SEC13: variants seen among roughly 807,000 people sequenced by gnomAD.
SEC13 encodes the protein protein SEC13 homolog.
SEC13 carries 25 observed loss-of-function variants against 49.2 expected under a neutral mutation model. The ratio of observed to expected loss-of-function variants is 0.51; its 90% CI spans 0.37 to 0.71. The LOEUF is 0.71. Ranked by LOEUF, SEC13 falls within the 30% of genes least tolerant of loss-of-function variation. SEC13 has a pLI of 0.00. For synonymous variants in SEC13, 148 were observed against 163.9 expected, an observed-to-expected ratio of 0.90 and a Z score of 0.74; for missense variants, 383 against 417.6, an observed-to-expected ratio of 0.92 and a Z score of 0.72.
intron 7 of SEC13, 28 bp downstream of exon 7, chr3:10,305,005 C>G (rs1380296297): frequency 6.2e-7 from 1 of 1,613,828 alleles, no homozygotes; most frequent in Admixed American, 1.7e-5. Context: ...GACTAAATGA[C>G]AAGGGATACT....
intron 5 of SEC13, chr3:10,311,539 C>A: frequency 1.7e-6 from 1 of 594,482 alleles, no homozygotes; most frequent in Non-Finnish European, 2.1e-6. Context: ...CACTGTCACT[C>A]GCTGATTCAC....
chr3:10,319,029 A>G, intron 1 of SEC13: 3 of 985,564 alleles, frequency 3.0e-6, no homozygotes, highest in South Asian at 1.8e-5. Flanking sequence ...GAATAAGTAA[A>G]TGAACAAAAG....
chr3:10,317,053 A>T (rs1701655232), intron 2 of SEC13, among the ~76,000 whole-genome samples: 1 of 151,828 alleles, frequency 6.6e-6, no homozygotes, highest in Admixed American at 6.6e-5. Flanking sequence ...CCTGACACTC[A>T]GTGAGCATGC....
At chr3:10,306,191 T>A (rs1045196519) in intron 5 of SEC13, among the ~76,000 whole-genome samples, 1 of 152,226 alleles carries the variant, frequency 6.6e-6, no homozygotes, top group Non-Finnish European at 1.5e-5. Flanking sequence ...ATTAAACATT[T>A]TTTTGGATGT....
chr3:10,304,074 G>A lies in SEC13; in HGVS notation c.807C>T (p.Ser269=). The A allele has an allele frequency of 6.2e-7, 1 of 1,614,130 alleles. No individual in the cohort carries two copies. Among genetic ancestry groups the A allele is most frequent in the African/African-American group, 1.3e-5 (1 of 75,034 alleles). ...CCAGGATGTTGGCTGTGATGGACCA[G>A]CTCACATGCCACACCACATCGTTGA... ...HKFNDVVWHV[S]WSITANILAV... Residue 269 remains serine (S), a synonymous_variant, in exon 8 of 9, where the codon AGC becomes AGT. Transcript: ENST00000350697.
In SEC13 at chr3:10,318,068, G is replaced by T; in HGVS notation, c.30C>A (p.Thr10=). Residue 10 remains threonine, a synonymous_variant, in exon 2 of 9, where the codon ACC becomes ACA. Coordinates refer to ENST00000350697, the MANE Select transcript of SEC13 (RefSeq NM_183352.3). Reference sequence around the variant, plus strand: ...TACTTACAATCATGTCCTCATGGGAGGTATCCACAGTGTTAATTACTGACA... The same window carrying T: ...TACTTACAATCATGTCCTCATGGGATGTATCCACAGTGTTAATTACTGACA... MVSVINTVD[T]SHEDMIHDAQ... is the part of the protein sequence containing the mutation. 1 of 1,605,526 alleles carries T rather than the reference G, an allele frequency of 6.2e-7. No individual in the cohort carries two copies. The highest frequency in any genetic ancestry group is 8.5e-7 in the Non-Finnish European group (1 of 1,172,564).
intron 5 of SEC13, among the ~76,000 whole-genome samples, chr3:10,311,131 T>G (rs1407601018): frequency 6.6e-6 from 1 of 152,176 alleles, no homozygotes; most frequent in Admixed American, 6.5e-5. Flanking sequence ...TGGTTTCCTT[T>G]CACACAATAA....
At chr3:10,314,082 C>G (rs1208866094) in intron 3 of SEC13, 1 of 152,114 alleles carries the variant, frequency 6.6e-6, no homozygotes, top group East Asian at 1.9e-4. Flanking sequence ...CAGAACTAGG[C>G]TTATAAAGAA....
At chr3:10,317,096 G>C (rs1701656940) in intron 2 of SEC13, among the ~76,000 whole-genome samples, 2 of 151,904 alleles carry the variant, frequency 1.3e-5, no homozygotes, top group South Asian at 4.1e-4. Flanking sequence ...GCCTCATCTA[G>C]TTCTCAAACC....
intron 1 of SEC13, among the ~76,000 whole-genome samples, chr3:10,320,100 TC>T (rs1297863979): frequency 1.3e-5 from 2 of 151,964 alleles, no homozygotes; most frequent in African/African-American, 4.8e-5. Flanking sequence ...TCAAAATAAT[TC>T]ACCTCTTTGA....
At chr3:10,304,879 T>C (rs1700768635) in intron 7 of SEC13, among the ~76,000 whole-genome samples, 154 bp downstream of exon 7, 2 of 152,142 alleles carry the variant, frequency 1.3e-5, no homozygotes, top group Admixed American at 1.3e-4. Context: ...GACCAAGACT[T>C]CCCCACACAA....
chr3:10,311,556 T>G, intron 5 of SEC13: 2 of 783,918 alleles, frequency 2.6e-6, no homozygotes, highest in Non-Finnish European at 3.1e-6. Context: ...TCACCAAAAG[T>G]TGGGTAAAGA....
intron 6 of SEC13, 125 bp downstream of exon 6, chr3:10,305,434 G>A: frequency 7.9e-7 from 1 of 1,261,354 alleles, no homozygotes; most frequent in South Asian, 1.4e-5. Context: ...ATTGAAAACA[G>A]TATTTTACTG....
intron 2 of SEC13, among the ~76,000 whole-genome samples, chr3:10,315,857 G>A (rs1262779743): frequency 6.6e-6 from 1 of 152,222 alleles, no homozygotes; most frequent in Non-Finnish European, 1.5e-5. Context: ...CTAATGCATG[G>A]GAGCAGGCCA....
intron 8 of SEC13, 21 bp downstream of exon 8, chr3:10,304,005 C>T (rs781331073): frequency 1.2e-6 from 2 of 1,613,300 alleles, no homozygotes; most frequent in South Asian, 1.1e-5. Context: ...GTCCACCATG[C>T]CACGGGGAAT....
At chr3:10,308,375 CTTATT>C (rs1181423357) in intron 5 of SEC13, among the ~76,000 whole-genome samples, 1 of 152,072 alleles carries the variant, frequency 6.6e-6, no homozygotes, top group South Asian at 2.1e-4. Flanking sequence ...TATTCTTCAT[CTTATT>C]TTGTTAAGTC....
At chr3:10,308,869 CAGG>C (rs1244976473) in intron 5 of SEC13, among the ~76,000 whole-genome samples, 1 of 139,942 alleles carries the variant, frequency 7.1e-6, no homozygotes, top group Admixed American at 7.5e-5. Context: ...TGGCCTCAAA[CAGG>C]AGTTCACCTC....
chr3:10,320,098 A>G (rs2059750095), intron 1 of SEC13, among the ~76,000 whole-genome samples: 1 of 152,018 alleles, frequency 6.6e-6, no homozygotes, highest in Non-Finnish European at 1.5e-5. Context: ...ACTCAAAATA[A>G]TTCACCTCTT....
chr3:10,305,531 AAAGAG>A, intron 6 of SEC13, 23 bp downstream of exon 6: 1 of 1,611,250 alleles, frequency 6.2e-7, no homozygotes, highest in Non-Finnish European at 8.5e-7. Context: ...GTGTCCCCTC[AAAGAG>A]AAGGCCACAC....
Sources: gnomAD v4.1 joint callset for allele counts (sites outside exome capture counted in the v4.1 genomes callset) on GRCh38, gnomAD v4.1.1 for gene constraint, MANE v1.5 for transcripts, NCBI Gene and HGNC (gene_info 2026-07-23, HGNC 2026-07-21) for gene names.